RANBP2: variants seen among roughly 807,000 people sequenced by gnomAD.
RANBP2 encodes the protein RAN binding protein 2, also known as E3 SUMO-protein ligase RanBP2.
A neutral mutation model predicts 303.6 loss-of-function variants in RANBP2; 57 were observed. The observed-to-expected ratio is 0.19, with a 90% CI of 0.15 to 0.23. The LOEUF (loss-of-function observed/expected upper bound fraction) is 0.23, where lower values mean the gene tolerates loss of function less well. Ranked by LOEUF, RANBP2 falls within the 10% of genes least tolerant of loss-of-function variation. The pLI is 1.00. For synonymous variants in RANBP2, 1,167 were observed against 1,301.5 expected (o/e 0.90, Z 2.23); for missense variants, 3,138 against 3,780.8 (o/e 0.83, Z 4.46).
chr2:108,841,837 T>G, the RANBP2 span, among the ~76,000 whole-genome samples: 1 of 152,162 alleles, frequency 6.6e-6, no homozygotes, highest in African/African-American at 2.4e-5. Context: ...TTTTTCTGCT[T>G]TCTTATGGGT....
the RANBP2 span, among the ~76,000 whole-genome samples, chr2:109,528,389 G>A: frequency 6.6e-6 from 1 of 152,230 alleles, no homozygotes; most frequent in Non-Finnish European, 1.5e-5. Flanking sequence ...CCATTTTAAA[G>A]CTATGCCAAC....
the RANBP2 span, among the ~76,000 whole-genome samples, chr2:108,825,274 TTTTGTTTG>T: frequency 2.8e-4 from 42 of 151,386 alleles, no homozygotes; most frequent in South Asian, 6.0e-3. Flanking sequence ...GTGGTGGGTT[TTTTGTTTG>T]TTTGTTTGTT....
the RANBP2 span, among the ~76,000 whole-genome samples, chr2:109,507,495 G>C: frequency 2.0e-5 from 3 of 152,190 alleles, no homozygotes; most frequent in African/African-American, 7.2e-5. Context: ...TCTGAGGCTG[G>C]CTGAGTTCTG....
the RANBP2 span, among the ~76,000 whole-genome samples, chr2:109,560,114 G>A: frequency 1.3e-5 from 2 of 151,936 alleles, no homozygotes; most frequent in African/African-American, 4.8e-5. Context: ...TAGAGATGGG[G>A]TTTCACCGTG....
the RANBP2 span, among the ~76,000 whole-genome samples, chr2:109,485,261 A>G: frequency 2.0e-5 from 3 of 152,238 alleles, no homozygotes; most frequent in Admixed American, 6.5e-5. Context: ...ACCTGTCTCC[A>G]CATGGCTTAA....
At chr2:109,702,692 C>T in the RANBP2 span, among the ~76,000 whole-genome samples, 23 of 152,252 alleles carry the variant, frequency 1.5e-4, no homozygotes, top group African/African-American at 5.5e-4. Context: ...TCTGCAACAT[C>T]GGAGGGTTTG....
chr2:108,845,623 G>A, the RANBP2 span, among the ~76,000 whole-genome samples: 1 of 146,396 alleles, frequency 6.8e-6, no homozygotes. Flanking sequence ...CCAGGCTGGA[G>A]TGCAGTGGTG....
At chr2:109,360,217 C>T in the RANBP2 span, among the ~76,000 whole-genome samples, 1 of 152,152 alleles carries the variant, frequency 6.6e-6, no homozygotes, top group Non-Finnish European at 1.5e-5. Context: ...TTACTCTGAA[C>T]ATGTAATTTT....
the RANBP2 span, among the ~76,000 whole-genome samples, chr2:109,602,966 A>G: frequency 6.6e-6 from 1 of 150,862 alleles, no homozygotes; most frequent in Non-Finnish European, 1.5e-5. Context: ...TGATACTTGG[A>G]AGACTGAGGC....
chr2:109,250,428 T>A, the RANBP2 span, among the ~76,000 whole-genome samples: 1 of 152,050 alleles, frequency 6.6e-6, no homozygotes, highest in African/African-American at 2.4e-5. Context: ...CATGAAACAA[T>A]CATCATAATA....
chr2:108,805,436 GTATTGCAGGCCAGGC>G, the RANBP2 span, among the ~76,000 whole-genome samples: 1 of 152,038 alleles, frequency 6.6e-6, no homozygotes, highest in East Asian at 1.9e-4. Context: ...ATTTATATAA[GTATTGCAGGCCAGGC>G]GCGGTGGCTC....
chr2:109,370,209 G>C, the RANBP2 span, among the ~76,000 whole-genome samples: 843 of 145,626 alleles, frequency 5.8e-3, 6 homozygotes, highest in African/African-American at 0.021. Context: ...CTCTGTCTCT[G>C]TCTCTGTCTC....
chr2:109,000,953 C>G, the RANBP2 span, among the ~76,000 whole-genome samples: 4 of 152,150 alleles, frequency 2.6e-5, no homozygotes, highest in African/African-American at 9.7e-5. Flanking sequence ...CCCTGAGGCC[C>G]AGGTGAGGGA....
chr2:109,126,497 G>T, the RANBP2 span, among the ~76,000 whole-genome samples: 1 of 152,208 alleles, frequency 6.6e-6, no homozygotes, highest in African/African-American at 2.4e-5. Flanking sequence ...TGCTCCTGTG[G>T]CCAAGGCACA....
the RANBP2 span, among the ~76,000 whole-genome samples, chr2:109,334,607 C>A: frequency 6.6e-6 from 1 of 152,112 alleles, no homozygotes; most frequent in Admixed American, 6.5e-5. Flanking sequence ...GTGTCCACTG[C>A]GCTGATTCCA....
At chr2:108,936,426 AGGCAAGGTGCT>A in the RANBP2 span, among the ~76,000 whole-genome samples, 4 of 152,114 alleles carry the variant, frequency 2.6e-5, no homozygotes, top group African/African-American at 9.7e-5. Context: ...CCATGGCGGG[AGGCAAGGTGCT>A]GGCAACTGCC....
the RANBP2 span, among the ~76,000 whole-genome samples, chr2:109,280,330 G>A: frequency 6.6e-6 from 1 of 152,286 alleles, no homozygotes; most frequent in Non-Finnish European, 1.5e-5. Flanking sequence ...CAGAGAGGGG[G>A]CCCCACAGCC....
At chr2:108,786,972 T>C (rs1573876328), downstream of RANBP2, 2 of 1,225,278 alleles carry the variant, frequency 1.6e-6, no homozygotes, top group Non-Finnish European at 2.2e-6. Flanking sequence ...GGCGGCCCGC[T>C]CCGTGCCCCG....
the RANBP2 span, among the ~76,000 whole-genome samples, chr2:109,415,453 AC>A: frequency 6.6e-6 from 1 of 152,150 alleles, no homozygotes; most frequent in South Asian, 2.1e-4. Context: ...GGCGAGTGCT[AC>A]CATCACGGGT....
Sources: gnomAD v4.1 joint callset for allele counts (sites outside exome capture counted in the v4.1 genomes callset) on GRCh38, gnomAD v4.1.1 for gene constraint, MANE v1.5 for transcripts, NCBI Gene and HGNC (gene_info 2026-07-23, HGNC 2026-07-21) for gene names.